The following RABGAP1L variants were observed in gnomAD, a reference collection of about 807,000 sequenced individuals.
The protein encoded by RABGAP1L is rab GTPase-activating protein 1-like.
In RABGAP1L, 63 loss-of-function variants were observed where a neutral mutation model predicts 137.7. The observed-to-expected ratio is 0.46, with a 90% CI of 0.37 to 0.56. The LOEUF (loss-of-function observed/expected upper bound fraction) is 0.56. Ranked by LOEUF, RABGAP1L falls within the 20% of genes least tolerant of loss-of-function variation. RABGAP1L has a pLI of 0.00. For synonymous variants in RABGAP1L, 431 were observed against 433.7 expected (o/e 0.99, Z 0.08); for missense variants, 1,095 against 1,244.0 (o/e 0.88, Z 1.80).
At chr1:174,862,532 A>C (rs1417945000) in intron 19 of RABGAP1L, among the ~76,000 whole-genome samples, 2 of 152,170 alleles carry the variant, frequency 1.3e-5, no homozygotes, top group African/African-American at 2.4e-5. Context: ...TTAAAATATT[A>C]ATGTGTTAAA....
intron 19 of RABGAP1L, among the ~76,000 whole-genome samples, chr1:174,876,665 C>T (rs978287286): frequency 1.3e-5 from 2 of 152,010 alleles, no homozygotes; most frequent in South Asian, 4.1e-4. Flanking sequence ...AAACCCCTAG[C>T]CTTAAAGATA....
chr1:174,313,175 C>T (rs554394068), intron 11 of RABGAP1L, among the ~76,000 whole-genome samples: 5 of 152,222 alleles, frequency 3.3e-5, no homozygotes, highest in East Asian at 3.9e-4. Flanking sequence ...CTGCCCGCCT[C>T]GGCCTCCCAA....
At chr1:174,245,983 A>G (rs1375266669) in intron 5 of RABGAP1L, 2 of 152,298 alleles carry the variant, frequency 1.3e-5, no homozygotes, top group South Asian at 4.1e-4. Context: ...AGAGTGAGTT[A>G]TCTTTCACCA....
intron 13 of RABGAP1L, among the ~76,000 whole-genome samples, chr1:174,465,756 C>G (rs1056377608): frequency 2.0e-5 from 3 of 152,162 alleles, no homozygotes; most frequent in African/African-American, 7.2e-5. Context: ...TTACAAATAT[C>G]TCATCATTTT....
At chr1:174,394,736 A>G (rs1248752189) in intron 13 of RABGAP1L, among the ~76,000 whole-genome samples, 3 of 152,092 alleles carry the variant, frequency 2.0e-5, no homozygotes, top group Non-Finnish European at 4.4e-5. Context: ...TAAGTACTGT[A>G]TTTTAAAATA....
At chr1:174,531,601 G>A (rs1664409817) in intron 13 of RABGAP1L, among the ~76,000 whole-genome samples, 1 of 152,104 alleles carries the variant, frequency 6.6e-6, no homozygotes, top group Non-Finnish European at 1.5e-5. Flanking sequence ...GGGGCAGCTG[G>A]TTGCATCTTT....
chr1:174,880,064 CAA>C (rs10610404), intron 19 of RABGAP1L, among the ~76,000 whole-genome samples: 3,710 of 127,944 alleles, frequency 0.029, 51 homozygotes, highest in Middle Eastern at 0.095. Context: ...GACTCTGTCT[CAA>C]AAAAAAAAAA....
chr1:174,629,056 T>C (rs918932251), intron 13 of RABGAP1L, among the ~76,000 whole-genome samples: 1 of 152,178 alleles, frequency 6.6e-6, no homozygotes, highest in Non-Finnish European at 1.5e-5. Flanking sequence ...AGAATAAGTC[T>C]AAAAAGAAAG....
intron 1 of RABGAP1L, among the ~76,000 whole-genome samples, chr1:174,164,164 A>C (rs761714200): frequency 6.7e-6 from 1 of 149,532 alleles, no homozygotes; most frequent in Non-Finnish European, 1.5e-5. Context: ...TATATCCTTC[A>C]GGTATGTAGG....
At chr1:174,853,228 G>GTTT (rs77745358) in intron 19 of RABGAP1L, among the ~76,000 whole-genome samples, 1 of 138,830 alleles carries the variant, frequency 7.2e-6, no homozygotes, top group Non-Finnish European at 1.6e-5. Flanking sequence ...AGGCTGGGTT[G>GTTT]TTTTTTTTTT....
chr1:174,506,211 A>C (rs1019869039), intron 13 of RABGAP1L, among the ~76,000 whole-genome samples: 1 of 152,220 alleles, frequency 6.6e-6, no homozygotes, highest in East Asian at 1.9e-4. Context: ...CAAGAGATCT[A>C]TTGTATATCA....
intron 13 of RABGAP1L, among the ~76,000 whole-genome samples, chr1:174,401,027 G>C (rs1648514054): frequency 6.6e-6 from 1 of 152,056 alleles, no homozygotes; most frequent in South Asian, 2.1e-4. Context: ...AAATGAAGCA[G>C]GTTAGGAGCT....
intron 17 of RABGAP1L, among the ~76,000 whole-genome samples, chr1:174,704,207 C>T (rs1230413929): frequency 6.6e-6 from 1 of 152,146 alleles, no homozygotes; most frequent in Non-Finnish European, 1.5e-5. Flanking sequence ...CCATGCTGGC[C>T]AGGCTGGTCT....
intron 8 of RABGAP1L, among the ~76,000 whole-genome samples, chr1:174,272,762 T>C (rs1215117589): frequency 1.3e-5 from 2 of 152,032 alleles, no homozygotes; most frequent in Admixed American, 6.6e-5. Flanking sequence ...TCTTTGAACC[T>C]GTAGTAACAA....
chr1:174,410,285 C>T (rs888299369), intron 13 of RABGAP1L, among the ~76,000 whole-genome samples: 3 of 152,008 alleles, frequency 2.0e-5, no homozygotes, highest in African/African-American at 7.3e-5. Context: ...AAATTATTTC[C>T]CAAGGCTGAT....
At chr1:174,445,239 T>A (rs1406234994) in intron 13 of RABGAP1L, among the ~76,000 whole-genome samples, 2 of 152,152 alleles carry the variant, frequency 1.3e-5, no homozygotes, top group African/African-American at 4.8e-5. Flanking sequence ...CCCTAAGAAG[T>A]TTAAAATAGT....
intron 19 of RABGAP1L, among the ~76,000 whole-genome samples, chr1:174,901,564 A>G (rs1032027664): frequency 6.6e-6 from 1 of 152,176 alleles, no homozygotes; most frequent in Non-Finnish European, 1.5e-5. Context: ...GAGAACTACA[A>G]TTCAAGATGA....
At chr1:174,652,139 T>C (rs570117147) in intron 14 of RABGAP1L, among the ~76,000 whole-genome samples, 152 of 152,334 alleles carry the variant, frequency 1.0e-3, no homozygotes, top group African/African-American at 3.5e-3. Flanking sequence ...AAAATTCTTT[T>C]CTTTAAGAAT....
intron 14 of RABGAP1L, among the ~76,000 whole-genome samples, chr1:174,674,648 C>T (rs1202722822): frequency 4.6e-5 from 7 of 150,722 alleles, no homozygotes; most frequent in African/African-American, 1.7e-4. Context: ...TTCTAGATCC[C>T]TGAGGAATCG....
Sources: allele counts gnomAD v4.1 joint callset (sites outside exome capture counted in the v4.1 genomes callset), GRCh38; gene constraint gnomAD v4.1.1; transcripts MANE v1.5; gene names NCBI Gene and HGNC (gene_info 2026-07-23, HGNC 2026-07-21).